SETD2: variants seen among roughly 807,000 people sequenced by gnomAD.
The protein encoded by SETD2 is SET domain containing 2, histone lysine methyltransferase, also known as histone-lysine N-methyltransferase SETD2.
Under a neutral mutation model 242.1 loss-of-function variants are expected in SETD2, and 31 were observed. The observed-to-expected ratio is 0.13, with a 90% CI of 0.10 to 0.17. The LOEUF is 0.17. Among genes scored for constraint, SETD2 ranks in the 10% least tolerant of loss-of-function variants. SETD2 has a pLI of 1.00. For synonymous variants in SETD2, 1,006 were observed against 1,066.5 expected (o/e 0.94, Z 1.11); for missense variants, 2,481 against 3,046.3 (o/e 0.81, Z 4.37).
chr3:47,046,363 AAAAC>A, intron 16 of SETD2, 120 bp downstream of exon 16: 1 of 764,350 alleles, frequency 1.3e-6, no homozygotes, highest in Non-Finnish European at 1.9e-6. Context: ...AAAATAAAAT[AAAAC>A]AAAGAACACG....
rs2107578025 is a variant in SETD2, at chr3:47,057,446, C to T, written c.6338G>A (p.Arg2113His). 1.2e-6 allele frequency: 2 copies of T among 1,614,098 alleles called. No homozygotes were observed. The highest frequency in any genetic ancestry group is 1.7e-6 in the Non-Finnish European group (2 of 1,179,988). ...TSKKKVRIKD[R>H]NKLSTEERRK... Reference sequence around the variant, plus strand: ...GCGTTCCTCTGTAGAAAGTTTATTGCGGTCTTTAATTCGTACTTTCTTTTT... The same window carrying T: ...GCGTTCCTCTGTAGAAAGTTTATTGTGGTCTTTAATTCGTACTTTCTTTTT... The change falls in exon 15 of 21, where the codon CGC becomes CAC. Residue 2113 changes from arginine (R) to histidine (H), a missense_variant. Transcript: ENST00000409792.
intron 15 of SETD2, among the ~76,000 whole-genome samples, chr3:47,056,436 T>C (rs2040084955): frequency 6.6e-6 from 1 of 152,086 alleles, no homozygotes. Flanking sequence ...CTGACCATGA[T>C]TTTTAGAAAA....
intron 8 of SETD2, among the ~76,000 whole-genome samples, chr3:47,099,504 C>G (rs779187769): frequency 6.6e-6 from 1 of 152,188 alleles, no homozygotes; most frequent in Non-Finnish European, 1.5e-5. Flanking sequence ...ATGAGGCACA[C>G]ATTAGTTGTC....
chr3:47,139,312 C>A (rs905087631), intron 1 of SETD2, among the ~76,000 whole-genome samples: 1 of 152,138 alleles, frequency 6.6e-6, no homozygotes, highest in Non-Finnish European at 1.5e-5. Flanking sequence ...AGGTACTCAG[C>A]ACTATTATGC....
Position 47,163,993 on chromosome 3 carries a change from A to T in SETD2, c.-69T>A. On this transcript the variant is annotated 5_prime_UTR_variant, in exon 1 of 21. Transcript: ENST00000409792. The stretch of plus-strand genomic sequence containing the variant: ...AGGGCGACGCGGGGGAGGGGAGGGG[A>T]GGAGGCCGCAGGTCCGACCGCGGCG... 1 of 1,237,382 alleles carries T rather than the reference A, an allele frequency of 8.1e-7. No individual in the cohort carries two copies. The highest frequency in any genetic ancestry group is 1.0e-6 in the Non-Finnish European group (1 of 985,254). The allele number at this position is 1,237,382 out of a possible 1,614,324, so 76.7% of individuals were successfully genotyped here. A position where few individuals can be genotyped will look rare whatever the true frequency, so the allele number is the denominator to read the frequency against.
rs1196746375 is a variant in SETD2, at chr3:47,103,524, A to G, written c.4840-101T>C. On this transcript the variant is annotated intron_variant, in intron 6 of 20. Coordinates refer to ENST00000409792, the MANE Select transcript of SETD2 (RefSeq NM_014159.7). The stretch of plus-strand genomic sequence containing the variant: ...CATCTCTTATGCATCAATTAAAAAA[A>G]AGATTGTGCTGCGAAACCTAACCAG... 41 of 897,576 alleles carry G rather than the reference A, an allele frequency of 4.6e-5. No individual in the cohort carries two copies. In the East Asian group the frequency reaches 9.9e-4, roughly 22 times the overall value. 55.6% of individuals were successfully genotyped at this position (897,576 alleles called of 1,614,324 possible). A position where few individuals can be genotyped will look rare whatever the true frequency, so the allele number is the denominator to read the frequency against.
At chr3:47,145,383 T>G (rs2043828088) in intron 1 of SETD2, 1 of 245,214 alleles carries the variant, frequency 4.1e-6, no homozygotes, top group African/African-American at 2.2e-5. Context: ...CTGTGTTGTA[T>G]GCCTGTGTTT....
chr3:47,027,370 A>G (rs1204164137), intron 18 of SETD2, among the ~76,000 whole-genome samples: 1 of 148,294 alleles, frequency 6.7e-6, no homozygotes, highest in Non-Finnish European at 1.5e-5. Flanking sequence ...AAGAGAACAC[A>G]TGGACACAGG....
chr3:47,050,350 T>A (rs1375322669), intron 15 of SETD2, among the ~76,000 whole-genome samples: 2 of 152,184 alleles, frequency 1.3e-5, no homozygotes, highest in African/African-American at 4.8e-5. Context: ...ATCATCAAGA[T>A]GTCAGAAGGC....
At chr3:47,117,534 TAATA>T (rs2042912138) in intron 3 of SETD2, among the ~76,000 whole-genome samples, 2 of 152,120 alleles carry the variant, frequency 1.3e-5, no homozygotes, top group Non-Finnish European at 1.5e-5. Flanking sequence ...GATGAGCAAA[TAATA>T]GTTGAGATAT....
intron 1 of SETD2, among the ~76,000 whole-genome samples, chr3:47,156,988 C>T (rs978506639): frequency 6.6e-6 from 1 of 151,688 alleles, no homozygotes; most frequent in African/African-American, 2.4e-5. Context: ...TTAGCCAGGG[C>T]CAGGTGCAGT....
At chr3:47,090,537 C>T (rs1391994932) in intron 9 of SETD2, among the ~76,000 whole-genome samples, 1 of 151,880 alleles carries the variant, frequency 6.6e-6, no homozygotes, top group African/African-American at 2.4e-5. Context: ...ACTACAGGCC[C>T]GTGCCACCAT....
chr3:47,042,808 TA>T, intron 16 of SETD2, 108 bp from the exon 17 acceptor site: 11 of 983,906 alleles, frequency 1.1e-5, no homozygotes, highest in Non-Finnish European at 1.7e-5. Context: ...TACCTCCTCT[TA>T]AAAAAAGGAT....
intron 2 of SETD2, among the ~76,000 whole-genome samples, chr3:47,126,322 A>C (rs2043326912): frequency 6.6e-6 from 1 of 152,242 alleles, no homozygotes; most frequent in Non-Finnish European, 1.5e-5. Flanking sequence ...TACTTTTAAG[A>C]AACAGAATCC....
At position 47,101,504 on chromosome 3, in the gene SETD2, G is replaced by T. The variant is rs141705382; in HGVS notation, c.4969C>A (p.Pro1657Thr). 5.0e-6 allele frequency: 8 copies of T among 1,613,578 alleles called. No individual in the cohort carries two copies. The African/African-American group carries it at 6.7e-5, about 13-fold the overall frequency. ...RVGFFTTKLV[P>T]SGSELTFDYQ... ...TCAAACGTTAACTCTGAGCCTGAAGGAACCAGTTTGGTGGTAAAAAACCCA... is the reference window on the plus strand; with the variant it reads ...TCAAACGTTAACTCTGAGCCTGAAGTAACCAGTTTGGTGGTAAAAAACCCA... Residue 1657 changes from proline (P) to threonine (T), a missense_variant, in exon 8 of 21, where the codon CCT (proline) becomes ACT (threonine). By Grantham distance (38) the Pro-to-Thr change is conservative. Coordinates refer to ENST00000409792, the MANE Select transcript of SETD2 (RefSeq NM_014159.7).
chr3:47,072,808 G>A (rs545798477), intron 12 of SETD2, among the ~76,000 whole-genome samples: 1 of 151,952 alleles, frequency 6.6e-6, no homozygotes, highest in East Asian at 1.9e-4. Flanking sequence ...TTAGCTGTGC[G>A]TGGTGGCGGG....
chr3:47,148,361 C>T (rs1203555943), intron 1 of SETD2, among the ~76,000 whole-genome samples: 1 of 152,014 alleles, frequency 6.6e-6, no homozygotes, highest in African/African-American at 2.4e-5. Flanking sequence ...AAACTCCTGA[C>T]CTCAGGGGAT....
chr3:47,164,051 G>C lies in SETD2; in HGVS notation c.-127C>G. ...CGGCGGCGGCGGCGGCGGCAGGGGC[G>C]GCCCGCGTCGCTACCTCGCTCGTCG... On this transcript the variant is annotated 5_prime_UTR_variant, in exon 1 of 21. Coordinates refer to ENST00000409792, the MANE Select transcript of SETD2 (RefSeq NM_014159.7). This position sits in a 1 kb window ranked among gnomAD's most constrained non-coding sequence, Gnocchi z 5.4. The C allele has an allele frequency of 8.2e-7, 1 of 1,212,630 alleles. No individual in the cohort carries two copies. The highest frequency in any genetic ancestry group is 1.0e-6 in the Non-Finnish European group (1 of 971,432). 75.1% of individuals were successfully genotyped at this position (1,212,630 alleles called of 1,614,324 possible). A position where few individuals can be genotyped will look rare whatever the true frequency, so the allele number is the denominator to read the frequency against.
chr3:47,093,301 TGAGA>T (rs2041877926), intron 9 of SETD2, among the ~76,000 whole-genome samples: 1 of 150,664 alleles, frequency 6.6e-6, no homozygotes, highest in African/African-American at 2.4e-5. Flanking sequence ...TTTTTTTTTT[TGAGA>T]CTGAGCTTCA....
Sources: allele counts gnomAD v4.1 joint callset (sites outside exome capture counted in the v4.1 genomes callset), GRCh38; gene constraint gnomAD v4.1.1; non-coding constraint Gnocchi (gnomAD v3.1); transcripts MANE v1.5; gene names NCBI Gene and HGNC (gene_info 2026-07-23, HGNC 2026-07-21).